Variants in ATP8A2 observed in about 807,000 individuals in gnomAD.
ATP8A2 encodes ATPase phospholipid transporting 8A2.
A neutral mutation model predicts 165.6 loss-of-function variants in ATP8A2; 100 were observed. The ratio of observed to expected loss-of-function variants is 0.60; its 90% CI spans 0.51 to 0.71. The LOEUF (loss-of-function observed/expected upper bound fraction) is 0.71, where lower values mean the gene tolerates loss of function less well. Ranked by LOEUF, ATP8A2 falls within the 30% of genes least tolerant of loss-of-function variation. The probability of loss-of-function intolerance (pLI) is 0.00; values close to 1 mark genes in which losing one functional copy is unlikely to be tolerated. For synonymous variants in ATP8A2, 543 were observed against 548.8 expected, an observed-to-expected ratio of 0.99 and a Z score of 0.15; for missense variants, 1,227 against 1,479.5, an observed-to-expected ratio of 0.83 and a Z score of 2.80.
At chr13:25,537,838 G>A (rs549896228) in intron 6 of ATP8A2, 150 bp from the exon 7 acceptor site, 2 of 491,018 alleles carry the variant, frequency 4.1e-6, no homozygotes, top group Admixed American at 3.3e-5. Flanking sequence ...TTTTGTTCTT[G>A]TCAAGGAAAA....
chr13:25,543,595 C>T (rs1011621809), intron 10 of ATP8A2, among the ~76,000 whole-genome samples, 193 bp downstream of exon 10: 6 of 152,218 alleles, frequency 3.9e-5, no homozygotes, highest in Non-Finnish European at 5.9e-5. Context: ...TATTTGTTAC[C>T]GTATGCCTGA....
chr13:25,751,594 ACT>A (rs1297926628), intron 25 of ATP8A2, among the ~76,000 whole-genome samples: 1 of 151,986 alleles, frequency 6.6e-6, no homozygotes, highest in Admixed American at 6.6e-5. Flanking sequence ...GATTGCCATG[ACT>A]GGCTAATTTT....
intron 25 of ATP8A2, among the ~76,000 whole-genome samples, chr13:25,744,171 T>TAAAAAGA (rs2043977522): frequency 6.6e-6 from 1 of 152,234 alleles, no homozygotes; most frequent in Non-Finnish European, 1.5e-5. Context: ...CCCGATTCTT[T>TAAAAAGA]TTCATTTTTC....
chr13:25,422,061 T>A (rs2034316033), intron 1 of ATP8A2, among the ~76,000 whole-genome samples: 1 of 152,158 alleles, frequency 6.6e-6, no homozygotes, highest in African/African-American at 2.4e-5. Flanking sequence ...TGAAAAGAGG[T>A]GTAGGGCTCA....
intron 1 of ATP8A2, among the ~76,000 whole-genome samples, chr13:25,373,573 G>T (rs546858210): frequency 6.6e-6 from 1 of 152,276 alleles, no homozygotes; most frequent in South Asian, 2.1e-4. Flanking sequence ...ACCTTTGCAG[G>T]TGGGGCCAAA....
intron 35 of ATP8A2, among the ~76,000 whole-genome samples, chr13:25,988,478 A>T (rs1956313884): frequency 6.6e-6 from 1 of 152,256 alleles, no homozygotes; most frequent in Non-Finnish European, 1.5e-5. Context: ...AGGGGAACTC[A>T]GCTGCACACA....
intron 24 of ATP8A2, among the ~76,000 whole-genome samples, chr13:25,673,660 A>G (rs1262590832): frequency 6.6e-6 from 1 of 152,272 alleles, no homozygotes; most frequent in African/African-American, 2.4e-5. Context: ...TCTGATCATA[A>G]TCTTCCATAT....
In ATP8A2 at chr13:25,575,809, G is replaced by A. The variant is rs574894501; in HGVS notation, c.1712+952G>A. Among the ~76,000 whole-genome samples the A allele has an allele frequency of 9.9e-5, 15 of 152,142 alleles. No individual in the cohort carries two copies. The East Asian group carries it at 2.1e-3, about 22-fold the overall frequency. ...TGCTAGGCATCTCTCCAAACTGTGTGCTTCATCTTTTATTGGAAACTGTGC... is the reference window on the plus strand; with the variant it reads ...TGCTAGGCATCTCTCCAAACTGTGTACTTCATCTTTTATTGGAAACTGTGC... On this transcript the variant is annotated intron_variant, in intron 19 of 36. Transcript: ENST00000381655.
intron 33 of ATP8A2, among the ~76,000 whole-genome samples, chr13:25,909,885 T>A (rs1954051814): frequency 6.6e-6 from 1 of 152,190 alleles, no homozygotes; most frequent in Non-Finnish European, 1.5e-5. Context: ...CCCATACAGG[T>A]GCAATCATAC....
chr13:25,981,680 A>G (rs1956172766), intron 35 of ATP8A2, among the ~76,000 whole-genome samples: 1 of 152,184 alleles, frequency 6.6e-6, no homozygotes, highest in Admixed American at 6.5e-5. Flanking sequence ...TGTATAAAAA[A>G]TGCAATTTAA....
intron 1 of ATP8A2, among the ~76,000 whole-genome samples, chr13:25,394,829 A>G (rs920163033): frequency 6.6e-6 from 1 of 152,182 alleles, no homozygotes; most frequent in Non-Finnish European, 1.5e-5. Context: ...GTCACCTGAG[A>G]TGACTAGAGT....
At chr13:25,841,880 T>C (rs1593433668) in intron 30 of ATP8A2, among the ~76,000 whole-genome samples, 1 of 152,150 alleles carries the variant, frequency 6.6e-6, no homozygotes, top group East Asian at 1.9e-4. Flanking sequence ...TAGGACCTAC[T>C]TGATGTGTCA....
chr13:25,873,404 T>C (rs1357503161), intron 33 of ATP8A2, among the ~76,000 whole-genome samples: 1 of 152,242 alleles, frequency 6.6e-6, no homozygotes, highest in Admixed American at 6.5e-5. Flanking sequence ...ACTTGGGTCA[T>C]ACTTGTGTCA....
At chr13:25,749,385 G>A (rs371142568) in intron 25 of ATP8A2, among the ~76,000 whole-genome samples, 1 of 152,182 alleles carries the variant, frequency 6.6e-6, no homozygotes, top group African/African-American at 2.4e-5. Flanking sequence ...GGAAGGAGAC[G>A]ACACTGGAGG....
chr13:25,658,528 A>G (rs1009321310), intron 24 of ATP8A2, among the ~76,000 whole-genome samples: 3 of 152,094 alleles, frequency 2.0e-5, no homozygotes, highest in Non-Finnish European at 4.4e-5. Flanking sequence ...AATCCCAGCT[A>G]CTTGGGAGGC....
At chr13:25,932,179 G>C (rs1361438173) in intron 33 of ATP8A2, among the ~76,000 whole-genome samples, 2 of 152,198 alleles carry the variant, frequency 1.3e-5, no homozygotes, top group African/African-American at 4.8e-5. Flanking sequence ...AAGCACGTCA[G>C]CTTAGCTGGC....
intron 2 of ATP8A2, among the ~76,000 whole-genome samples, chr13:25,511,904 T>A (rs925196459): frequency 1.3e-5 from 2 of 151,482 alleles, no homozygotes; most frequent in Non-Finnish European, 2.9e-5. Flanking sequence ...TTTTTTTTTT[T>A]ATTGATCATT....
intron 2 of ATP8A2, among the ~76,000 whole-genome samples, chr13:25,492,471 CA>C (rs983133471): frequency 2.0e-5 from 3 of 151,944 alleles, no homozygotes; most frequent in Non-Finnish European, 2.9e-5. Context: ...GGGCTGCTTA[CA>C]AAAAAAATTC....
intron 1 of ATP8A2, among the ~76,000 whole-genome samples, chr13:25,444,831 A>C (rs1422744636): frequency 1.3e-5 from 2 of 152,134 alleles, no homozygotes; most frequent in African/African-American, 2.4e-5. Flanking sequence ...TTTTTAGTTA[A>C]GATGGGGTTT....
Sources: gnomAD v4.1 joint callset for allele counts (sites outside exome capture counted in the v4.1 genomes callset) on GRCh38, gnomAD v4.1.1 for gene constraint, MANE v1.5 for transcripts, NCBI Gene and HGNC (gene_info 2026-07-23, HGNC 2026-07-21) for gene names.